NTM: variants seen among roughly 807,000 people sequenced by gnomAD.
NTM encodes IgLON family member 2.
NTM carries 13 observed loss-of-function variants against 42.1 expected under a neutral mutation model. The observed-to-expected ratio is 0.31, with a 90% CI of 0.20 to 0.49. The LOEUF is 0.49. Ranked by LOEUF, NTM falls within the 20% of genes least tolerant of loss-of-function variation. The pLI is 0.99. For missense variants in NTM, 373 were observed against 452.8 expected (o/e 0.82, Z 1.60); for synonymous variants, 187 against 179.2 (o/e 1.04, Z -0.35).
intron 1 of NTM, among the ~76,000 whole-genome samples, chr11:131,619,725 G>A (rs1298474260): frequency 6.6e-6 from 1 of 152,018 alleles, no homozygotes; most frequent in Admixed American, 6.5e-5. Context: ...ATGAAGAGCA[G>A]CAGACGTGGT....
At chr11:131,688,194 C>A (rs2074165641) in intron 1 of NTM, among the ~76,000 whole-genome samples, 1 of 152,132 alleles carries the variant, frequency 6.6e-6, no homozygotes, top group Admixed American at 6.5e-5. Context: ...CCCCGAGCCG[C>A]GAGGCTGCCT....
rs200817671 is a variant in NTM, at chr11:132,083,991, TAAAA to T, written c.168-62285_168-62282del. Reference sequence around the variant, plus strand: ...AATTAGCAATATTTTAAGCAAAAGTTAAAAAAAAAGATTACTTCAGTTTTCTATT... The same window carrying T: ...AATTAGCAATATTTTAAGCAAAAGTTAAAAAGATTACTTCAGTTTTCTATT... On this transcript the variant is annotated intron_variant, in intron 2 of 8. Coordinates refer to ENST00000683400, the MANE Select transcript of NTM (RefSeq NM_001352005.2). Among the ~76,000 whole-genome samples the T allele has an allele frequency of 3.3e-5, 5 of 151,366 alleles. No homozygotes were observed. In the East Asian group the frequency reaches 9.7e-4, roughly 29 times the overall value.
chr11:131,915,726 A>G (rs1159246801), intron 2 of NTM, among the ~76,000 whole-genome samples: 7 of 152,122 alleles, frequency 4.6e-5, no homozygotes, highest in East Asian at 1.9e-4. Flanking sequence ...GGCAGAAGGC[A>G]AAAGGCACAT....
chr11:131,771,255 T>C (rs2086047803), intron 1 of NTM: 1 of 152,188 alleles, frequency 6.6e-6, no homozygotes, highest in African/African-American at 2.4e-5. Context: ...AAAATGCAGT[T>C]TGGTTTTTAT....
At chr11:132,107,460 CCCT>C (rs1308209115) in intron 2 of NTM, among the ~76,000 whole-genome samples, 1 of 149,524 alleles carries the variant, frequency 6.7e-6, no homozygotes, top group Non-Finnish European at 1.5e-5. Context: ...AAGAGATCCT[CCCT>C]CCTCAGCCTC....
At chr11:131,535,161 G>A (rs147225265) in intron 1 of NTM, 4 of 152,208 alleles carry the variant, frequency 2.6e-5, no homozygotes, top group Non-Finnish European at 4.4e-5. Context: ...GCCAAAGGAC[G>A]ATGGGCCCTC....
chr11:132,196,894 A>G (rs7103317), intron 3 of NTM, among the ~76,000 whole-genome samples: 20,913 of 152,200 alleles, frequency 0.14, 1,527 homozygotes, highest in Middle Eastern at 0.2. Context: ...CAATTTACCC[A>G]AGTAACAAAC....
At chr11:132,209,460 C>T (rs2138624438) in intron 3 of NTM, among the ~76,000 whole-genome samples, 2 of 152,172 alleles carry the variant, frequency 1.3e-5, no homozygotes, top group East Asian at 3.9e-4. Flanking sequence ...CTATCTGAAG[C>T]TCAATGAGGA....
At chr11:131,474,735 A>T (rs2136197819) in intron 1 of NTM, among the ~76,000 whole-genome samples, 1 of 152,140 alleles carries the variant, frequency 6.6e-6, no homozygotes, top group Middle Eastern at 3.4e-3. Context: ...ATCATTCCTG[A>T]TATCACTCTC....
intron 3 of NTM, among the ~76,000 whole-genome samples, chr11:132,156,534 G>A (rs903524682): frequency 1.3e-5 from 2 of 152,176 alleles, no homozygotes; most frequent in Non-Finnish European, 2.9e-5. Context: ...GTGATTGGTT[G>A]ATTATGTCAT....
At chr11:132,255,686 T>C (rs1406285970) in intron 4 of NTM, among the ~76,000 whole-genome samples, 1 of 152,214 alleles carries the variant, frequency 6.6e-6, no homozygotes, top group East Asian at 1.9e-4. Flanking sequence ...CCTCATCTGC[T>C]GAACCACCTG....
intron 2 of NTM, among the ~76,000 whole-genome samples, chr11:132,095,406 G>A (rs185994101): frequency 1.8e-4 from 27 of 152,090 alleles, no homozygotes; most frequent in African/African-American, 5.8e-4. Flanking sequence ...AGGGACTGGC[G>A]GCTACCTCTT....
At chr11:132,132,453 A>G (rs2066998404) in intron 2 of NTM, among the ~76,000 whole-genome samples, 1 of 152,228 alleles carries the variant, frequency 6.6e-6, no homozygotes, top group African/African-American at 2.4e-5. Context: ...TTTGTTCTGG[A>G]GAGTGAACAC....
At position 132,030,779 on chromosome 11, in the gene NTM, A is replaced by G. The variant is rs376446955; in HGVS notation, c.168-115503A>G. Among the ~76,000 whole-genome samples, 31 of 152,232 alleles carry G rather than the reference A, an allele frequency of 2.0e-4. 1 individual carries two copies. The East Asian group carries it at 2.1e-3, about 10-fold the overall frequency. ...TGAGAGTGAGAAAGGGAGAAGAAGC[A>G]GGAGATGAGAGCAGAGAGATAGTGG... On this transcript the variant is annotated intron_variant, in intron 2 of 8. Coordinates refer to ENST00000683400, the MANE Select transcript of NTM (RefSeq NM_001352005.2).
chr11:132,234,253 A>T (rs1246631433), intron 4 of NTM, among the ~76,000 whole-genome samples: 1 of 152,218 alleles, frequency 6.6e-6, no homozygotes, highest in African/African-American at 2.4e-5. Context: ...TTTCTGTAGC[A>T]TACAGCATTC....
chr11:131,430,980 G>A (rs541890217), intron 1 of NTM, among the ~76,000 whole-genome samples: 47 of 152,342 alleles, frequency 3.1e-4, no homozygotes, highest in African/African-American at 7.9e-4. Context: ...AGGGACTGCC[G>A]TCTCCTGCAA....
In NTM at chr11:132,268,659, TC is replaced by T. The variant is rs1464617187; in HGVS notation, c.527-39029del. Among the ~76,000 whole-genome samples the T allele has an allele frequency of 5.1e-3, 415 of 81,620 alleles. 2 individuals carry two copies. The highest frequency in any genetic ancestry group is 9.2e-3 in the East Asian group (42 of 4,556). 53.5% of individuals were successfully genotyped at this position (81,620 alleles called of 152,430 possible). A position where few individuals can be genotyped will look rare whatever the true frequency, so the allele number is the denominator to read the frequency against. ...TGTGTGTGTTTGTGGTGTGGGGTCC[TC>T]TCTCTCTCTCTGTGTGTGTGTGTGT... On this transcript the variant is annotated intron_variant, in intron 4 of 8. Coordinates refer to ENST00000683400, the MANE Select transcript of NTM (RefSeq NM_001352005.2).
chr11:131,776,948 C>G (rs957296063), intron 1 of NTM: 2 of 156,272 alleles, frequency 1.3e-5, no homozygotes, highest in African/African-American at 4.8e-5. Flanking sequence ...AAAGGCTATA[C>G]CAATGTATAA....
At chr11:132,048,359 A>C (rs2078319816) in intron 2 of NTM, among the ~76,000 whole-genome samples, 1 of 152,194 alleles carries the variant, frequency 6.6e-6, no homozygotes. Flanking sequence ...CTGGGTCCAC[A>C]CGATCAATAC....
Sources: gnomAD v4.1 joint callset for allele counts (sites outside exome capture counted in the v4.1 genomes callset) on GRCh38, gnomAD v4.1.1 for gene constraint, MANE v1.5 for transcripts, NCBI Gene and HGNC (gene_info 2026-07-23, HGNC 2026-07-21) for gene names.